CNTNAP1: variants seen among roughly 807,000 people sequenced by gnomAD.
CNTNAP1 encodes contactin associated protein 1, also known as contactin-associated protein 1.
CNTNAP1 carries 80 observed loss-of-function variants against 161.5 expected under a neutral mutation model. The ratio of observed to expected loss-of-function variants is 0.50; its 90% CI spans 0.41 to 0.60. The LOEUF is 0.60. Among genes scored for constraint, CNTNAP1 ranks in the 20% least tolerant of loss-of-function variants. The pLI is 0.00. For synonymous variants in CNTNAP1, 695 were observed against 733.1 expected, an observed-to-expected ratio of 0.95 and a Z score of 0.84; for missense variants, 1,464 against 1,854.8, an observed-to-expected ratio of 0.79 and a Z score of 3.87.
intron 6 of CNTNAP1, 70 bp downstream of exon 6, chr17:42,686,211 C>G: frequency 6.8e-7 from 1 of 1,480,776 alleles, no homozygotes; most frequent in Admixed American, 1.7e-5. Flanking sequence ...GTCGGTCTCT[C>G]CCTTTCTCTT....
At chr17:42,683,063 C>T (rs978043362) in intron 1 of CNTNAP1, 167 bp downstream of exon 1, 1 of 702,424 alleles carries the variant, frequency 1.4e-6, no homozygotes, top group Non-Finnish European at 2.3e-6. Context: ...CATTGCAGCT[C>T]TGAGGCTGCC....
Position 42,687,000 on chromosome 17 carries a change from A to G in CNTNAP1, c.998A>G (p.Asn333Ser), listed in dbSNP as rs769795430. The G allele has an allele frequency of 6.8e-6, 11 of 1,614,064 alleles. No individual in the cohort carries two copies. The highest frequency in any genetic ancestry group is 2.2e-5 in the East Asian group (1 of 44,890). Residue 333 changes from asparagine to serine, a missense_variant, in exon 7 of 24, where the codon AAC becomes AGC. Physicochemically the swap from Asn to Ser is conservative, Grantham distance 46. Transcript: ENST00000264638. Reference protein sequence around the residue: ...CIENVIFNRVNIADLAVRRHS... With the variant: ...CIENVIFNRVSIADLAVRRHS... ...GAAAACGTAATCTTCAACCGCGTCAACATCGCAGACCTGGCCGTGCGGCGC... is the reference window on the plus strand; with the variant it reads ...GAAAACGTAATCTTCAACCGCGTCAGCATCGCAGACCTGGCCGTGCGGCGC...
intron 2 of CNTNAP1, 37 bp from the exon 3 acceptor site, chr17:42,683,999 G>C (rs550457350): frequency 1.9e-6 from 3 of 1,613,474 alleles, no homozygotes. Context: ...ACTTCGGGGA[G>C]AGGGATAGCC....
rs901717903 is a variant in CNTNAP1 at position 42,684,178 on chromosome 17, C to T, written c.312C>T (p.Tyr104=). The change falls in exon 3 of 24, where the codon TAC becomes TAT. Residue 104 remains tyrosine (Y), a synonymous_variant. Coordinates refer to ENST00000264638, the MANE Select transcript of CNTNAP1 (RefSeq NM_003632.3). The part of the protein sequence containing the change: ...WDWVTRYMLL[Y]GDRVDSWTPF... Reference sequence around the variant, plus strand: ...GGGTCACACGTTACATGCTACTCTACGGCGACCGAGTGGACAGCTGGACAC... The same window carrying T: ...GGGTCACACGTTACATGCTACTCTATGGCGACCGAGTGGACAGCTGGACAC... 1 of 1,614,126 alleles carries T rather than the reference C, an allele frequency of 6.2e-7. No individual in the cohort carries two copies. The highest frequency in any genetic ancestry group is 8.5e-7 in the Non-Finnish European group (1 of 1,180,022).
intron 9 of CNTNAP1, 89 bp from the exon 10 acceptor site, chr17:42,688,787 C>T: frequency 6.4e-7 from 1 of 1,556,046 alleles, no homozygotes; most frequent in South Asian, 1.2e-5. Context: ...CCCTTTCTTC[C>T]TTTATGTCTG....
rs755797621 is a variant in CNTNAP1, at chr17:42,693,378, G to A, written c.2834G>A (p.Gly945Asp). 3.1e-6 allele frequency: 5 copies of A among 1,614,120 alleles called. No homozygotes were observed. In the South Asian group the frequency reaches 3.3e-5, roughly 11 times the overall value. Residue 945 changes from glycine (G) to aspartate (D), a missense_variant, in exon 18 of 24, where the codon GGC becomes GAC. Gly to Asp is a moderately conservative substitution (Grantham distance 94). Transcript: ENST00000264638. ...RLNGVTLNLEGRANASEGTSP... is the reference protein window; with the variant it reads ...RLNGVTLNLEDRANASEGTSP... Reference sequence around the variant, plus strand: ...AACGGAGTGACTCTGAACCTGGAGGGCCGTGCCAATGCCTCTGAGGGTACC... The same window carrying A: ...AACGGAGTGACTCTGAACCTGGAGGACCGTGCCAATGCCTCTGAGGGTACC...
chr17:42,697,422 G>A, intron 21 of CNTNAP1, 55 bp downstream of exon 21: 1 of 1,609,042 alleles, frequency 6.2e-7, no homozygotes, highest in Non-Finnish European at 8.5e-7. Flanking sequence ...TATGTTCCTG[G>A]ATCCTCAAGG....
chr17:42,682,869 G>A lies in CNTNAP1; in HGVS notation c.40G>A (p.Val14Ile), dbSNP rs900215315. 3.1e-6 allele frequency: 5 copies of A among 1,600,562 alleles called. No individual in the cohort carries two copies. The highest frequency in any genetic ancestry group is 3.4e-6 in the Non-Finnish European group (4 of 1,174,534). Residue 14 changes from valine (V) to isoleucine (I), a missense_variant, in exon 1 of 24, where the codon GTC (valine) becomes ATC (isoleucine). This residue lies in a region of CNTNAP1 where 77 missense variants were observed against 73.6 expected (regional missense o/e 1.05). Coordinates refer to ENST00000264638, the MANE Select transcript of CNTNAP1 (RefSeq NM_003632.3). ...GCTCTTCTGCATCCTGCTCGCCGCGGTCTCAGGAGCCGAGGGCTGGGGCTA... is the reference window on the plus strand; with the variant it reads ...GCTCTTCTGCATCCTGCTCGCCGCGATCTCAGGAGCCGAGGGCTGGGGCTA... ...LRLFCILLAA[V>I]SGAEGWGYYG...
chr17:42,698,467 G>C, intron 23 of CNTNAP1, 151 bp from the exon 24 acceptor site: 1 of 628,500 alleles, frequency 1.6e-6, no homozygotes, highest in Non-Finnish European at 2.7e-6. Context: ...GTGTGTGTGT[G>C]TGTGTGTGTG....
At position 42,692,632 on chromosome 17, in the gene CNTNAP1, G is replaced by A. The variant is rs748524929; in HGVS notation, c.2664G>A (p.Arg888=). 2.5e-6 allele frequency: 4 copies of A among 1,614,228 alleles called. No homozygotes were observed. Among genetic ancestry groups the A allele is most frequent in the Non-Finnish European group, 3.4e-6 (4 of 1,180,046 alleles). ...VRAEINVKQA[R]LRVDHRPWVL... ...CTGAAATCAACGTGAAGCAGGCCCG[G>A]CTCCGAGTGGATCACCGGCCCTGGG... The change falls in exon 17 of 24, where the codon CGG becomes CGA. Residue 888 remains arginine (R), a synonymous_variant. Transcript: ENST00000264638.
chr17:42,697,467 G>C, intron 21 of CNTNAP1, 87 bp from the exon 22 acceptor site: 1 of 1,607,622 alleles, frequency 6.2e-7, no homozygotes, highest in South Asian at 1.1e-5. Flanking sequence ...GAGGGCAGTG[G>C]GAAGGATGAG....
In CNTNAP1 at chr17:42,698,596, T is replaced by A. The variant is rs78697085; in HGVS notation, c.3863-22T>A. 4.7e-5 allele frequency: 74 copies of A among 1,569,722 alleles called. No homozygotes were observed. In the East Asian group the frequency reaches 1.6e-3, roughly 34 times the overall value. ...ACAGGTGAGATCCCAAAGATCTGAA[T>A]TGTCCCTTTTCTTCTTTTCAGTTTT... is the stretch of plus-strand genomic sequence containing the variant. On this transcript the variant is annotated intron_variant, in intron 23 of 23. Transcript: ENST00000264638.
chr17:42,693,634 A>G, intron 18 of CNTNAP1, 98 bp downstream of exon 18: 1 of 1,513,840 alleles, frequency 6.6e-7, no homozygotes, highest in Non-Finnish European at 9.0e-7. Context: ...CATATCATGG[A>G]AAATTAGAGT....
chr17:42,687,934 A>G lies in CNTNAP1; in HGVS notation c.1259A>G (p.Asn420Ser). 6.2e-7 allele frequency: 1 copy of G among 1,614,198 alleles called. No homozygotes were observed. Among genetic ancestry groups the G allele is most frequent in the Non-Finnish European group, 8.5e-7 (1 of 1,180,048 alleles). Residue 420 changes from asparagine to serine, a missense_variant, in exon 8 of 24, where the codon AAC becomes AGC. Around this residue, in one of 3 missense-constraint regions of CNTNAP1, gnomAD observed 1,383 missense variants for 1,765.0 expected, o/e 0.78. Transcript: ENST00000264638. This position sits in a 1 kb window ranked among gnomAD's most constrained non-coding sequence, Gnocchi z 4.7. ...VELTLSEGQV[N>S]VSIAQSGRKK... ...CTGACGCTCAGCGAAGGGCAGGTCA[A>G]CGTGTCCATCGCGCAGAGCGGCCGA...
intron 16 of CNTNAP1, 21 bp downstream of exon 16, chr17:42,692,012 A>G: frequency 6.2e-7 from 1 of 1,609,794 alleles, no homozygotes; most frequent in Non-Finnish European, 8.5e-7. Context: ...AGACTGTGGG[A>G]GGGCCTCGGG....
rs921971068 is a variant in CNTNAP1 at position 42,682,667 on chromosome 17, A to G, written c.-163A>G. The G allele has an allele frequency of 4.5e-6, 3 of 660,842 alleles. No homozygotes were observed. Among genetic ancestry groups the G allele is most frequent in the Non-Finnish European group, 5.3e-6 (2 of 374,350 alleles). The allele number at this position is 660,842 out of a possible 1,614,324, so 40.9% of individuals were successfully genotyped here. A position where few individuals can be genotyped will look rare whatever the true frequency, so the allele number is the denominator to read the frequency against. ...GAGAGAGAGAAAAGAGAGAGGAGAG[A>G]CAGAGCGCTTGGGGGCGAAAGGAGA... On this transcript the variant is annotated 5_prime_UTR_variant, in exon 1 of 24. Coordinates refer to ENST00000264638, the MANE Select transcript of CNTNAP1 (RefSeq NM_003632.3).
At position 42,695,543 on chromosome 17, in the gene CNTNAP1, G is replaced by A. The variant is rs775278930; in HGVS notation, c.3015G>A (p.Pro1005=). ...CAGATATTGGTGGTTTCTTTGAGCC[G>A]GGCACCTGGATGCGCTATAACCTAC... ...CNHDIGGFFE[P]GTWMRYNLQS... is the part of the protein sequence containing the mutation. Residue 1005 remains proline (P), a synonymous_variant, in exon 19 of 24, where the codon CCG becomes CCA. Coordinates refer to ENST00000264638, the MANE Select transcript of CNTNAP1 (RefSeq NM_003632.3). 1.6e-5 allele frequency: 26 copies of A among 1,604,400 alleles called. No homozygotes were observed. The highest frequency in any genetic ancestry group is 8.4e-5 in the Admixed American group (5 of 59,684).
In CNTNAP1 at chr17:42,687,809, ACGCCGTGGC is replaced by A; in HGVS notation, c.1139_1147del (p.Arg380_Arg382del). 1.9e-6 allele frequency: 3 copies of A among 1,614,138 alleles called. No homozygotes were observed. The highest frequency in any genetic ancestry group is 2.5e-6 in the Non-Finnish European group (3 of 1,180,024). On this transcript the variant is annotated inframe_deletion, in exon 8 of 24. Transcript: ENST00000264638. This position sits in a 1 kb window ranked among gnomAD's most constrained non-coding sequence, Gnocchi z 4.7. ...ACTTCGTTCAAGTGCCCGGTTTCCC[ACGCCGTGGC>A]CGCCTGGCAGTCTCATTTCGCTTCC...
Position 42,699,035 on chromosome 17 carries a change from TCCCC to T in CNTNAP1, c.*131_*134del. ...TGCTCATCCAGAGGATATTCCCCCATCCCCCCCCCATCAAGTTTGGTGGGCAGAG... is the reference window on the plus strand; with the variant it reads ...TGCTCATCCAGAGGATATTCCCCCATCCCCCATCAAGTTTGGTGGGCAGAG... On this transcript the variant is annotated 3_prime_UTR_variant, in exon 24 of 24. Coordinates refer to ENST00000264638, the MANE Select transcript of CNTNAP1 (RefSeq NM_003632.3). 1 of 615,598 alleles carries T rather than the reference TCCCC, an allele frequency of 1.6e-6. No individual in the cohort carries two copies. Among genetic ancestry groups the T allele is most frequent in the Non-Finnish European group, 2.5e-6 (1 of 404,368 alleles). 38.1% of individuals were successfully genotyped at this position (615,598 alleles called of 1,614,324 possible). A position where few individuals can be genotyped will look rare whatever the true frequency, so the allele number is the denominator to read the frequency against.
Sources: gnomAD v4.1 joint callset for allele counts on GRCh38, gnomAD v4.1.1 for gene constraint, gnomAD v4.1.1 regional missense constraint, Gnocchi (gnomAD v3.1) non-coding constraint, MANE v1.5 for transcripts, NCBI Gene and HGNC (gene_info 2026-07-23, HGNC 2026-07-21) for gene names.